PRPF18: variants seen among roughly 807,000 people sequenced by gnomAD.
PRPF18 encodes the protein pre-mRNA-splicing factor 18.
PRPF18 carries 38 observed loss-of-function variants against 46.5 expected under a neutral mutation model. The ratio of observed to expected loss-of-function variants is 0.82; its 90% CI spans 0.63 to 1.07. The LOEUF is 1.07. PRPF18 is among the 50% of genes least tolerant of loss of function. The probability of loss-of-function intolerance (pLI) is 0.00; values close to 1 mark genes in which losing one functional copy is unlikely to be tolerated. For synonymous variants in PRPF18, 152 were observed against 146.7 expected, an observed-to-expected ratio of 1.04 and a Z score of -0.26; for missense variants, 263 against 410.0, an observed-to-expected ratio of 0.64 and a Z score of 3.10.
intron 8 of PRPF18, among the ~76,000 whole-genome samples, chr10:13,615,805 G>A (rs930541569): frequency 2.6e-5 from 4 of 151,916 alleles, no homozygotes; most frequent in African/African-American, 9.7e-5. Flanking sequence ...AGGGGGTGGG[G>A]TGGGGGGCAA....
At chr10:13,600,916 A>G (rs1449009746) in intron 3 of PRPF18, among the ~76,000 whole-genome samples, 1 of 152,120 alleles carries the variant, frequency 6.6e-6, no homozygotes, top group Admixed American at 6.6e-5. Context: ...GGCTGGGATT[A>G]CAGGCGTGTG....
intron 3 of PRPF18, among the ~76,000 whole-genome samples, chr10:13,602,070 GC>G (rs1263675142): frequency 6.6e-6 from 1 of 152,206 alleles, no homozygotes; most frequent in Non-Finnish European, 1.5e-5. Flanking sequence ...CTACAAAGAA[GC>G]TGTGCCAATT....
chr10:13,629,697 T>C (rs181415937), intron 9 of PRPF18, among the ~76,000 whole-genome samples: 78 of 152,364 alleles, frequency 5.1e-4, no homozygotes, highest in African/African-American at 1.8e-3. Context: ...CGACATTGCT[T>C]CTAAGATTCA....
chr10:13,645,320 T>C, the PRPF18 span: 12 of 151,788 alleles, frequency 7.9e-5, no homozygotes, highest in Non-Finnish European at 1.3e-4. Flanking sequence ...GTCAATGCCT[T>C]TCCAATAGGA....
At chr10:13,620,173 T>C (rs1490608660) in intron 9 of PRPF18, among the ~76,000 whole-genome samples, 1 of 152,190 alleles carries the variant, frequency 6.6e-6, no homozygotes, top group Admixed American at 6.5e-5. Flanking sequence ...AAGGATCAGA[T>C]AGTAAATATC....
At chr10:13,626,064 G>A (rs2080499564) in intron 9 of PRPF18, among the ~76,000 whole-genome samples, 1 of 152,226 alleles carries the variant, frequency 6.6e-6, no homozygotes, top group South Asian at 2.1e-4. Context: ...AGTTCTCAAG[G>A]TCACATGGCT....
At chr10:13,643,525 C>T in the PRPF18 span, 11 of 152,462 alleles carry the variant, frequency 7.2e-5, no homozygotes, top group Admixed American at 7.2e-4. Context: ...GAATTCACCT[C>T]AGCTGAACAA....
intron 9 of PRPF18, among the ~76,000 whole-genome samples, chr10:13,618,623 A>G (rs1489806897): frequency 6.8e-6 from 1 of 147,654 alleles, no homozygotes; most frequent in Non-Finnish European, 1.5e-5. Context: ...GTCAAAAAAA[A>G]AAAAAAAAAA....
intron 8 of PRPF18, among the ~76,000 whole-genome samples, chr10:13,615,440 TG>T (rs2080325256): frequency 6.6e-6 from 1 of 152,234 alleles, no homozygotes; most frequent in Admixed American, 6.5e-5. Flanking sequence ...GTGATAAAAA[TG>T]TACATAGGCC....
chr10:13,623,688 G>GTAGTTTGGTT (rs66501629), intron 9 of PRPF18, among the ~76,000 whole-genome samples: 92,725 of 151,506 alleles, frequency 0.61, 28,426 homozygotes, highest in Admixed American at 0.63. Context: ...AATTGTGATT[G>GTAGTTTGGTT]TGGTTTGGTT....
chr10:13,598,959 T>G (rs1182392835), intron 2 of PRPF18, among the ~76,000 whole-genome samples: 1 of 152,210 alleles, frequency 6.6e-6, no homozygotes, highest in East Asian at 1.9e-4. Flanking sequence ...TGAAGGAAAG[T>G]AATTACTGTA....
At chr10:13,599,371 G>T (rs936098101) in intron 2 of PRPF18, among the ~76,000 whole-genome samples, 3 of 152,156 alleles carry the variant, frequency 2.0e-5, no homozygotes, top group African/African-American at 7.2e-5. Context: ...CTTTCTTAAT[G>T]TGAGTTTCTT....
chr10:13,624,082 T>A (rs1036737223), intron 9 of PRPF18, among the ~76,000 whole-genome samples: 1 of 152,220 alleles, frequency 6.6e-6, no homozygotes. Flanking sequence ...CCCCCCAGGT[T>A]CAAACACTTG....
the PRPF18 span, chr10:13,653,702 C>G: frequency 6.6e-6 from 1 of 152,304 alleles, no homozygotes; most frequent in African/African-American, 2.4e-5. Flanking sequence ...AACCTAACAT[C>G]TACTTAGAGA....
At chr10:13,655,068 C>G in the PRPF18 span, 1 of 153,814 alleles carries the variant, frequency 6.5e-6, no homozygotes, top group South Asian at 2.1e-4. Flanking sequence ...GGGAGCAGGG[C>G]TTTTAATAGC....
At chr10:13,604,071 A>G (rs1010516377) in intron 3 of PRPF18, among the ~76,000 whole-genome samples, 3 of 152,172 alleles carry the variant, frequency 2.0e-5, no homozygotes, top group Non-Finnish European at 4.4e-5. Context: ...ATGGGATGGG[A>G]TGTTTCACGA....
chr10:13,597,380 C>T, intron 1 of PRPF18, 78 bp from the exon 2 acceptor site: 1 of 975,452 alleles, frequency 1.0e-6, no homozygotes. Context: ...CCAAAGTTTT[C>T]TAAAGGTATT....
downstream of PRPF18, among the ~76,000 whole-genome samples, chr10:13,634,274 C>T (rs1007263497): frequency 2.0e-5 from 3 of 152,194 alleles, no homozygotes; most frequent in African/African-American, 7.2e-5. Flanking sequence ...CACTAGGCCA[C>T]TTCCTTCTGT....
the PRPF18 span, chr10:13,647,869 G>C: frequency 6.6e-6 from 1 of 151,836 alleles, no homozygotes; most frequent in African/African-American, 2.4e-5. Context: ...CGGAAAAACA[G>C]CCTCTCTTCA....
Sources: gnomAD v4.1 joint callset for allele counts (sites outside exome capture counted in the v4.1 genomes callset) on GRCh38, gnomAD v4.1.1 for gene constraint, MANE v1.5 for transcripts, NCBI Gene and HGNC (gene_info 2026-07-23, HGNC 2026-07-21) for gene names.